PKD1L3: variants seen among roughly 807,000 people sequenced by gnomAD.
PKD1L3 encodes the protein polycystin 1 like 3, transient receptor potential channel interacting.
PKD1L3 carries 239 observed loss-of-function variants against 184.1 expected under a neutral mutation model. That is an observed-to-expected ratio of 1.30 (90% CI 1.17 to 1.45). The LOEUF (loss-of-function observed/expected upper bound fraction) is 1.45, where lower values mean the gene tolerates loss of function less well. Among genes scored for constraint, PKD1L3 ranks in the 40% most tolerant of loss-of-function variants. PKD1L3 has a pLI of 0.00. For missense variants in PKD1L3, 2,660 were observed against 2,067.2 expected, an observed-to-expected ratio of 1.29 and a Z score of -5.56; for synonymous variants, 996 against 778.8, an observed-to-expected ratio of 1.28 and a Z score of -4.64.
intron 3 of PKD1L3, among the ~76,000 whole-genome samples, chr16:71,992,739 G>C (rs1407594956): frequency 2.0e-5 from 3 of 152,104 alleles, no homozygotes; most frequent in Admixed American, 6.6e-5. Context: ...GCAGCTGTGA[G>C]GTCATACCCC....
chr16:71,961,290 CT>C (rs1317862547), intron 16 of PKD1L3, among the ~76,000 whole-genome samples: 7 of 151,912 alleles, frequency 4.6e-5, no homozygotes, highest in Admixed American at 3.9e-4. Flanking sequence ...GCATGGCTAA[CT>C]TTTGTATTTT....
chr16:71,948,569 A>G (rs2038707407), intron 21 of PKD1L3, among the ~76,000 whole-genome samples: 1 of 152,186 alleles, frequency 6.6e-6, no homozygotes, highest in African/African-American at 2.4e-5. Flanking sequence ...CCTCTCTAGC[A>G]AAAGGTGCAG....
intron 22 of PKD1L3, among the ~76,000 whole-genome samples, chr16:71,947,213 C>A (rs2038651182): frequency 6.6e-6 from 1 of 152,074 alleles, no homozygotes; most frequent in African/African-American, 2.4e-5. Context: ...GCTGAGAACA[C>A]ATCATTGCAC....
Position 71,970,049 on chromosome 16 carries a change from G to A in PKD1L3, c.2010C>T (p.Phe670=). The change falls in exon 13 of 30, where the codon TTC becomes TTT. Residue 670 remains phenylalanine (F), a synonymous_variant. Transcript: ENST00000620267. ...GCACGACAAAGAAGTCGCTGGCAAA[G>A]AAGGTCAGGTGGTTACAGAGACACT... ...RTQCLCNHLT[F]FASDFFVVPR... 6.4e-7 allele frequency: 1 copy of A among 1,551,690 alleles called. No individual in the cohort carries two copies. The highest frequency in any genetic ancestry group is 1.4e-5 in the African/African-American group (1 of 73,162).
chr16:71,930,851 C>G (rs1474130610), intron 28 of PKD1L3: 2 of 152,290 alleles, frequency 1.3e-5, no homozygotes, highest in Non-Finnish European at 1.5e-5. Context: ...ATTGTTGCCA[C>G]TAGGGCACTG....
chr16:71,935,947 C>T (rs1385237277), intron 25 of PKD1L3, among the ~76,000 whole-genome samples: 2 of 152,078 alleles, frequency 1.3e-5, no homozygotes, highest in Non-Finnish European at 2.9e-5. Context: ...GAGCACATGC[C>T]ACCATGCCCG....
Position 71,942,577 on chromosome 16 carries a change from A to T in PKD1L3, c.4307T>A (p.Phe1436Tyr). The T allele has an allele frequency of 6.4e-7, 1 of 1,551,504 alleles. No individual in the cohort carries two copies. The change falls in exon 24 of 30, where the codon TTC becomes TAC. Residue 1436 changes from phenylalanine (F) to tyrosine (Y), a missense_variant. Phe to Tyr is a conservative substitution (Grantham distance 22). Coordinates refer to ENST00000620267, the MANE Select transcript of PKD1L3 (RefSeq NM_181536.2). The stretch of plus-strand genomic sequence containing the variant: ...CCAGTTACCTCTCATGATGTAACTG[A>T]ATCCATTCTCATTCTTGCTTGTCAG... Reference protein sequence around the residue: ...ERLTSKNENGFSYIMRGAFFT... With the variant: ...ERLTSKNENGYSYIMRGAFFT...
At chr16:71,977,844 A>G (rs1281473876) in intron 10 of PKD1L3, among the ~76,000 whole-genome samples, 3 of 152,160 alleles carry the variant, frequency 2.0e-5, no homozygotes, top group Non-Finnish European at 2.9e-5. Flanking sequence ...GTGCGATCTC[A>G]GCTCACTGCA....
chr16:71,945,340 ACATAT>A (rs1483506922), intron 22 of PKD1L3, among the ~76,000 whole-genome samples: 1 of 123,098 alleles, frequency 8.1e-6, no homozygotes, highest in African/African-American at 3.0e-5. Context: ...ACACACACAC[ACATAT>A]ATTTATATAT....
At chr16:71,943,965 C>G in intron 23 of PKD1L3, 65 bp downstream of exon 23, 1 of 1,468,552 alleles carries the variant, frequency 6.8e-7, no homozygotes, top group East Asian at 2.5e-5. Context: ...ATTTTATTCT[C>G]TCTCTTCCTT....
chr16:71,959,798 T>G (rs966811584), intron 16 of PKD1L3, among the ~76,000 whole-genome samples: 23 of 152,056 alleles, frequency 1.5e-4, no homozygotes, highest in Non-Finnish European at 3.1e-4. Flanking sequence ...ATACAATGTA[T>G]AGTTTCTAAA....
chr16:71,954,072 C>G (rs985878829), intron 17 of PKD1L3, 33 bp downstream of exon 17: 1 of 1,439,982 alleles, frequency 6.9e-7, no homozygotes, highest in Middle Eastern at 1.9e-4. Flanking sequence ...GGATTGCTTA[C>G]TACAAACAAC....
chr16:71,975,957 C>CTT (rs11405422), intron 11 of PKD1L3, among the ~76,000 whole-genome samples: 4 of 24,294 alleles, frequency 1.6e-4, no homozygotes, highest in Non-Finnish European at 2.5e-4. Context: ...TGTTTCTGTT[C>CTT]TTTTTTTTTT....
intron 21 of PKD1L3, among the ~76,000 whole-genome samples, chr16:71,947,977 C>T (rs1019585306): frequency 3.3e-5 from 5 of 150,170 alleles, no homozygotes; most frequent in African/African-American, 9.8e-5. Context: ...AATGCAGTGG[C>T]GCAATCTCGG....
chr16:71,949,769 C>T lies in PKD1L3; in HGVS notation c.3618+14G>A, dbSNP rs1314360694. On this transcript the variant is annotated intron_variant, in intron 21 of 29. Coordinates refer to ENST00000620267, the MANE Select transcript of PKD1L3 (RefSeq NM_181536.2). ...CTTCTGCAACTCCAATGGTTCTTCC[C>T]ATCCCTCACATACCTTTACTGGCTG... 1.3e-6 allele frequency: 2 copies of T among 1,544,828 alleles called. No individual in the cohort carries two copies. Among genetic ancestry groups the T allele is most frequent in the South Asian group, 1.2e-5 (1 of 83,818 alleles).
chr16:71,972,126 G>C (rs1215895769), intron 12 of PKD1L3, among the ~76,000 whole-genome samples: 1 of 152,158 alleles, frequency 6.6e-6, no homozygotes, highest in Non-Finnish European at 1.5e-5. Context: ...TGAGGCAGGA[G>C]AATGGCATGA....
intron 16 of PKD1L3, among the ~76,000 whole-genome samples, chr16:71,955,023 A>C (rs1429625953): frequency 6.6e-6 from 1 of 151,614 alleles, no homozygotes; most frequent in Non-Finnish European, 1.5e-5. Flanking sequence ...AGGGCTACAC[A>C]TTTATAGTAA....
chr16:71,978,440 C>T (rs2040011785), intron 9 of PKD1L3, 57 bp from the exon 10 acceptor site: 1 of 1,457,560 alleles, frequency 6.9e-7, no homozygotes, highest in African/African-American at 1.4e-5. Context: ...TAAGTGACCC[C>T]ACTAGAAAGA....
rs771232169 is a variant in PKD1L3, at chr16:71,993,330, C to T, written c.421G>A (p.Asp141Asn). The change falls in exon 3 of 30, where the codon GAC (aspartate) becomes AAC (asparagine). Residue 141 changes from aspartate to asparagine, a missense_variant and splice_region_variant. Coordinates refer to ENST00000620267, the MANE Select transcript of PKD1L3 (RefSeq NM_181536.2). Reference sequence around the variant, plus strand: ...TAATGGGCATCTCCGTCCAAAAAGTCACCTATTTGAAAGCCAACACACAAG... The same window carrying T: ...TAATGGGCATCTCCGTCCAAAAAGTTACCTATTTGAAAGCCAACACACAAG... ...LKYYFICQTG[D>N]FLDGDAHYER... 1 of 1,539,402 alleles carries T rather than the reference C, an allele frequency of 6.5e-7. No homozygotes were observed. The highest frequency in any genetic ancestry group is 1.4e-5 in the African/African-American group (1 of 72,114).
Sources: gnomAD v4.1 joint callset for allele counts (sites outside exome capture counted in the v4.1 genomes callset) on GRCh38, gnomAD v4.1.1 for gene constraint, MANE v1.5 for transcripts, NCBI Gene and HGNC (gene_info 2026-07-23, HGNC 2026-07-21) for gene names.